The following ADCY2 variants were observed in gnomAD, a reference collection of about 807,000 sequenced individuals.
ADCY2 encodes the protein adenylate cyclase type 2.
ADCY2 carries 31 observed loss-of-function variants against 125.2 expected under a neutral mutation model. The observed-to-expected ratio is 0.25, with a 90% CI of 0.19 to 0.33. ADCY2 has a LOEUF of 0.33. ADCY2 is among the 10% of genes least tolerant of loss of function. The probability of loss-of-function intolerance (pLI) is 1.00; values close to 1 mark genes in which losing one functional copy is unlikely to be tolerated. For synonymous variants in ADCY2, 512 were observed against 548.4 expected, an observed-to-expected ratio of 0.93 and a Z score of 0.93; for missense variants, 904 against 1,418.2, an observed-to-expected ratio of 0.64 and a Z score of 5.82.
chr5:7,466,003 G>A (rs1351030424), intron 2 of ADCY2, among the ~76,000 whole-genome samples: 1 of 152,140 alleles, frequency 6.6e-6, no homozygotes, highest in Non-Finnish European at 1.5e-5. Flanking sequence ...CTACCTTCCA[G>A]ATGACCCCAA....
At chr5:7,727,300 G>A in intron 14 of ADCY2, 39 bp downstream of exon 14, 3 of 1,552,428 alleles carry the variant, frequency 1.9e-6, no homozygotes. Context: ...CTCACCTGGG[G>A]TGCCTTTCCA....
intron 4 of ADCY2, among the ~76,000 whole-genome samples, chr5:7,658,446 T>TG (rs1739418580): frequency 6.6e-6 from 1 of 151,242 alleles, no homozygotes; most frequent in Admixed American, 6.6e-5. Flanking sequence ...TATATATATA[T>TG]TTGAGATGGA....
chr5:7,617,895 A>G (rs1365133841), intron 3 of ADCY2, among the ~76,000 whole-genome samples: 1 of 152,160 alleles, frequency 6.6e-6, no homozygotes, highest in Non-Finnish European at 1.5e-5. Context: ...GAAACAACCA[A>G]AGTTTCGTTT....
intron 18 of ADCY2, among the ~76,000 whole-genome samples, chr5:7,776,289 T>C (rs1006843732): frequency 6.6e-6 from 1 of 150,582 alleles, no homozygotes; most frequent in African/African-American, 2.4e-5. Flanking sequence ...GGGTGGGAGC[T>C]GGCTCACAGG....
intron 22 of ADCY2, among the ~76,000 whole-genome samples, chr5:7,815,362 C>T (rs1046967198): frequency 6.6e-6 from 1 of 152,128 alleles, no homozygotes; most frequent in Non-Finnish European, 1.5e-5. Flanking sequence ...GACATCCATT[C>T]GGCCAAGCAG....
chr5:7,572,528 A>G (rs575272407), intron 3 of ADCY2, among the ~76,000 whole-genome samples: 1 of 152,092 alleles, frequency 6.6e-6, no homozygotes, highest in South Asian at 2.1e-4. Context: ...TAAGTTCCTT[A>G]TAGATGCTGG....
At chr5:7,819,154 C>A (rs991430739) in intron 23 of ADCY2, among the ~76,000 whole-genome samples, 2 of 152,156 alleles carry the variant, frequency 1.3e-5, no homozygotes, top group African/African-American at 4.8e-5. Context: ...GCCACGCTGG[C>A]AGCTGATCAG....
intron 15 of ADCY2, among the ~76,000 whole-genome samples, chr5:7,750,783 T>C (rs575123500): frequency 1.3e-5 from 2 of 152,030 alleles, no homozygotes; most frequent in East Asian, 1.9e-4. Context: ...TAGGATTTGC[T>C]CTTTGTATCA....
At chr5:7,737,177 C>T (rs185617044) in intron 14 of ADCY2, among the ~76,000 whole-genome samples, 12 of 151,768 alleles carry the variant, frequency 7.9e-5, no homozygotes, top group South Asian at 4.2e-4. Context: ...TAGGTATTTC[C>T]GAAAGGGAAT....
intron 16 of ADCY2, among the ~76,000 whole-genome samples, chr5:7,757,899 C>T (rs1743068908): frequency 6.6e-6 from 1 of 152,190 alleles, no homozygotes; most frequent in Non-Finnish European, 1.5e-5. Context: ...CACAGAGCCA[C>T]CTTGAGAGAC....
chr5:7,528,986 A>G (rs1298071632), intron 3 of ADCY2, among the ~76,000 whole-genome samples: 1 of 152,280 alleles, frequency 6.6e-6, no homozygotes, highest in African/African-American at 2.4e-5. Flanking sequence ...CTTGCAGCAC[A>G]GAATGAGGAA....
chr5:7,421,811 A>G (rs1479361173), intron 2 of ADCY2, among the ~76,000 whole-genome samples: 3 of 152,176 alleles, frequency 2.0e-5, no homozygotes, highest in African/African-American at 7.2e-5. Flanking sequence ...GAAAGTTTTG[A>G]GGCTTTTATC....
chr5:7,613,974 A>C (rs1449475145), intron 3 of ADCY2, among the ~76,000 whole-genome samples: 3 of 152,262 alleles, frequency 2.0e-5, no homozygotes, highest in Non-Finnish European at 4.4e-5. Flanking sequence ...TGTAGACAGA[A>C]GAGAACTCAA....
At chr5:7,807,067 T>C (rs2126527024) in intron 22 of ADCY2, among the ~76,000 whole-genome samples, 1 of 152,238 alleles carries the variant, frequency 6.6e-6, no homozygotes, top group East Asian at 1.9e-4. Flanking sequence ...CCCTTTGCTC[T>C]TGGACAGCCA....
At chr5:7,681,154 A>G (rs1172036008) in intron 4 of ADCY2, among the ~76,000 whole-genome samples, 2 of 152,174 alleles carry the variant, frequency 1.3e-5, no homozygotes, top group Non-Finnish European at 2.9e-5. Context: ...TGCATCTTTA[A>G]TCCTTATCTG....
intron 2 of ADCY2, among the ~76,000 whole-genome samples, chr5:7,478,682 TG>T (rs1308356544): frequency 6.6e-6 from 1 of 152,194 alleles, no homozygotes; most frequent in Non-Finnish European, 1.5e-5. Flanking sequence ...CACACACTGA[TG>T]TTTTTTTAAA....
At chr5:7,766,316 A>T (rs1743376429) in intron 16 of ADCY2, among the ~76,000 whole-genome samples, 1 of 152,166 alleles carries the variant, frequency 6.6e-6, no homozygotes, top group African/African-American at 2.4e-5. Context: ...GGGGGGAAAA[A>T]AGCATTCCGA....
chr5:7,611,912 A>T (rs889252216), intron 3 of ADCY2, among the ~76,000 whole-genome samples: 1 of 152,128 alleles, frequency 6.6e-6, no homozygotes, highest in Non-Finnish European at 1.5e-5. Context: ...TTGGACCTAG[A>T]CTCAAATTAA....
chr5:7,720,548 C>G (rs1741726193), intron 12 of ADCY2, among the ~76,000 whole-genome samples: 2 of 151,552 alleles, frequency 1.3e-5, no homozygotes, highest in African/African-American at 4.9e-5. Flanking sequence ...CCTCCCCTCT[C>G]CCCCCACCCC....
Sources: allele counts gnomAD v4.1 joint callset (sites outside exome capture counted in the v4.1 genomes callset), GRCh38; gene constraint gnomAD v4.1.1; transcripts MANE v1.5; gene names NCBI Gene and HGNC (gene_info 2026-07-23, HGNC 2026-07-21).